The following CENPE variants were observed in gnomAD, a reference collection of about 807,000 sequenced individuals.
The protein encoded by CENPE is centromere-associated protein E.
A neutral mutation model predicts 336.1 loss-of-function variants in CENPE; 145 were observed. The ratio of observed to expected loss-of-function variants is 0.43; its 90% CI spans 0.38 to 0.50. The LOEUF (loss-of-function observed/expected upper bound fraction) is 0.50. Among genes scored for constraint, CENPE ranks in the 20% least tolerant of loss-of-function variants. CENPE has a pLI of 0.00. For missense variants in CENPE, 2,719 were observed against 3,023.3 expected (o/e 0.90, Z 2.36); for synonymous variants, 1,013 against 984.8 (o/e 1.03, Z -0.54).
At position 103,195,116 on chromosome 4, in the gene CENPE, T is replaced by G; in HGVS notation, c.475A>C (p.Asn159His). The change falls in exon 5 of 49, where the codon AAT becomes CAT. Residue 159 changes from asparagine (N) to histidine (H), a missense_variant and splice_region_variant. Asn to His is a moderately conservative substitution (Grantham distance 68, BLOSUM62 1). Around this residue, in one of 5 missense-constraint regions of CENPE, gnomAD observed 106 missense variants for 189.3 expected, o/e 0.56. Transcript: ENST00000265148. ...GCTCCCTTAAGTCTGCTACTCACATTGACATCTTCTCGAATAATTAAAGGT... is the reference window on the plus strand; with the variant it reads ...GCTCCCTTAAGTCTGCTACTCACATGGACATCTTCTCGAATAATTAAAGGT... Reference protein sequence around the residue: ...MKPLIIREDVNRNVYVADLTE... With the variant: ...MKPLIIREDVHRNVYVADLTE... The G allele has an allele frequency of 6.3e-7, 1 of 1,580,132 alleles. No homozygotes were observed. The highest frequency in any genetic ancestry group is 1.4e-5 in the African/African-American group (1 of 72,870).
intron 40 of CENPE, among the ~76,000 whole-genome samples, chr4:103,135,178 T>C (rs1297523903): frequency 6.6e-6 from 1 of 152,234 alleles, no homozygotes; most frequent in Non-Finnish European, 1.5e-5. Flanking sequence ...TAGTCTTCAT[T>C]ATGCTTTCTG....
rs568616860 is a variant in CENPE, at chr4:103,123,748, T to C, written c.6925-659A>G. ...TGTGTTCCAGTTGATGACAATGTGT[T>C]GTACCAGCAAGCATTGAGCATCTAG... On this transcript the variant is annotated intron_variant, in intron 42 of 48. Coordinates refer to ENST00000265148, the MANE Select transcript of CENPE (RefSeq NM_001813.3). Among the ~76,000 whole-genome samples the C allele has an allele frequency of 4.6e-5, 7 of 152,286 alleles. No individual in the cohort carries two copies. In the East Asian group the frequency reaches 1.3e-3, roughly 29 times the overall value.
intron 8 of CENPE, among the ~76,000 whole-genome samples, chr4:103,190,027 G>C (rs556532963): frequency 3.3e-5 from 5 of 152,258 alleles, no homozygotes; most frequent in African/African-American, 1.2e-4. Context: ...AATCATGAGT[G>C]AATTCCCATT....
chr4:103,159,668 T>C (rs1489852123), intron 21 of CENPE, among the ~76,000 whole-genome samples: 1 of 151,814 alleles, frequency 6.6e-6, no homozygotes, highest in African/African-American at 2.4e-5. Flanking sequence ...GAATTTGACA[T>C]TTTTTTCCCT....
intron 16 of CENPE, among the ~76,000 whole-genome samples, chr4:103,173,067 A>G (rs1483282327): frequency 1.3e-5 from 2 of 152,082 alleles, no homozygotes; most frequent in African/African-American, 2.4e-5. Flanking sequence ...TCTTGAGCAA[A>G]AAGAGCAAAT....
intron 8 of CENPE, among the ~76,000 whole-genome samples, chr4:103,188,590 C>T (rs887422357): frequency 1.3e-5 from 2 of 152,064 alleles, no homozygotes; most frequent in African/African-American, 4.8e-5. Context: ...TTCTTTGAAA[C>T]CAATGAGAAC....
chr4:103,175,258 C>A (rs1267459565), intron 15 of CENPE, among the ~76,000 whole-genome samples: 1 of 151,772 alleles, frequency 6.6e-6, no homozygotes, highest in Non-Finnish European at 1.5e-5. Context: ...TTATTGACTT[C>A]TAAAGCTAAT....
At chr4:103,111,555 G>A (rs1017054432) in intron 46 of CENPE, among the ~76,000 whole-genome samples, 3 of 152,238 alleles carry the variant, frequency 2.0e-5, no homozygotes, top group Admixed American at 1.3e-4. Context: ...TGCACAAAAT[G>A]TGAGATAGTT....
chr4:103,144,328 C>G lies in CENPE; in HGVS notation c.5145+3G>C, dbSNP rs1227717960. The G allele has an allele frequency of 6.3e-7, 1 of 1,594,080 alleles. No homozygotes were observed. The highest frequency in any genetic ancestry group is 1.8e-5 in the Admixed American group (1 of 56,128). On this transcript the variant is annotated splice_donor_region_variant and intron_variant, in intron 33 of 48. Coordinates refer to ENST00000265148, the MANE Select transcript of CENPE (RefSeq NM_001813.3). ...CTAGAGGTGTAGAGAGATGGTAACTCACTCTAGTTATAGTTTCTCTAAGGT... is the reference window on the plus strand; with the variant it reads ...CTAGAGGTGTAGAGAGATGGTAACTGACTCTAGTTATAGTTTCTCTAAGGT...
rs756144864 is a variant in CENPE, at chr4:103,106,259, G to A, written c.8069C>T (p.Ser2690Phe). The A allele has an allele frequency of 3.7e-6, 6 of 1,601,658 alleles. No homozygotes were observed. Among genetic ancestry groups the A allele is most frequent in the Non-Finnish European group, 5.1e-6 (6 of 1,173,252 alleles). The change falls in exon 49 of 49, where the codon TCC becomes TTC. Residue 2690 changes from serine (S) to phenylalanine (F), a missense_variant. Coordinates refer to ENST00000265148, the MANE Select transcript of CENPE (RefSeq NM_001813.3). ...GCACTCAGGCACATCCTTGCCTGAG[G>A]AGGCGTGCCAAGGACCTGGCTGAGA... The part of the protein sequence containing the change: ...VDSQPGPWHA[S>F]SGKDVPECKT...
intron 45 of CENPE, among the ~76,000 whole-genome samples, chr4:103,115,001 T>C (rs1409657586): frequency 2.0e-5 from 3 of 152,310 alleles, no homozygotes; most frequent in African/African-American, 7.2e-5. Context: ...TTCTGATCAC[T>C]GTTCTCCAGT....
At chr4:103,175,323 G>C (rs887115230) in intron 15 of CENPE, among the ~76,000 whole-genome samples, 2 of 151,622 alleles carry the variant, frequency 1.3e-5, no homozygotes, top group African/African-American at 4.8e-5. Flanking sequence ...ATTATTATAA[G>C]AGAAGAGATA....
chr4:103,160,816 T>G, intron 20 of CENPE, 37 bp from the exon 21 acceptor site: 1 of 1,504,242 alleles, frequency 6.6e-7, no homozygotes, highest in Non-Finnish European at 9.0e-7. Flanking sequence ...AGATCCAATG[T>G]TGCCAAACAG....
intron 8 of CENPE, among the ~76,000 whole-genome samples, chr4:103,186,423 A>C (rs1477731912): frequency 6.6e-6 from 1 of 152,208 alleles, no homozygotes; most frequent in Non-Finnish European, 1.5e-5. Flanking sequence ...ATCTTTATAA[A>C]CATGACTTAT....
intron 8 of CENPE, among the ~76,000 whole-genome samples, chr4:103,192,536 A>C (rs1168766027): frequency 6.6e-6 from 1 of 152,220 alleles, no homozygotes; most frequent in Non-Finnish European, 1.5e-5. Flanking sequence ...GTAATTCAAG[A>C]GAGATGAGAA....
intron 42 of CENPE, 51 bp downstream of exon 42, chr4:103,132,642 A>G (rs1751687278): frequency 1.1e-6 from 1 of 920,676 alleles, no homozygotes. Context: ...GAGGTAGGAC[A>G]ATTAAAGCAA....
intron 26 of CENPE, 147 bp from the exon 27 acceptor site, chr4:103,149,555 AGTGG>A: frequency 1.4e-6 from 1 of 716,440 alleles, no homozygotes; most frequent in East Asian, 2.8e-5. Flanking sequence ...AAATGTCTGC[AGTGG>A]TTTGAATATT....
chr4:103,178,865 G>A (rs1756099807), intron 13 of CENPE, among the ~76,000 whole-genome samples: 1 of 152,066 alleles, frequency 6.6e-6, no homozygotes, highest in African/African-American at 2.4e-5. Context: ...TTTGCCTCCT[G>A]TTGCCTTCTC....
intron 35 of CENPE, 136 bp downstream of exon 35, chr4:103,141,614 C>A (rs985381853): frequency 8.5e-6 from 5 of 587,552 alleles, no homozygotes; most frequent in African/African-American, 5.8e-5. Context: ...AAATGTTGGG[C>A]CTCAGGCAGG....
Sources: allele counts gnomAD v4.1 joint callset (sites outside exome capture counted in the v4.1 genomes callset), GRCh38; gene constraint gnomAD v4.1.1; regional missense constraint gnomAD v4.1.1; transcripts MANE v1.5; gene names NCBI Gene and HGNC (gene_info 2026-07-23, HGNC 2026-07-21).